The following PLCH1 variants were observed in gnomAD, a reference collection of about 807,000 sequenced individuals.
The protein encoded by PLCH1 is 1-phosphatidylinositol 4,5-bisphosphate phosphodiesterase eta-1.
A neutral mutation model predicts 126.7 loss-of-function variants in PLCH1; 60 were observed. The observed-to-expected ratio is 0.47, with a 90% CI of 0.38 to 0.59. The LOEUF is 0.59. Ranked by LOEUF, PLCH1 falls within the 20% of genes least tolerant of loss-of-function variation. The pLI, the probability that PLCH1 is intolerant of heterozygous loss-of-function variation, is 0.00. For synonymous variants in PLCH1, 719 were observed against 734.9 expected (o/e 0.98, Z 0.35); for missense variants, 1,723 against 2,040.0 (o/e 0.84, Z 2.99).
At chr3:155,690,356 C>G (rs948289353) in intron 2 of PLCH1, among the ~76,000 whole-genome samples, 2 of 152,176 alleles carry the variant, frequency 1.3e-5, no homozygotes. Context: ...GAAGAGGATG[C>G]ACAAATGTAC....
intron 22 of PLCH1, among the ~76,000 whole-genome samples, chr3:155,485,152 T>C (rs1030411320): frequency 2.0e-5 from 3 of 152,216 alleles, no homozygotes; most frequent in African/African-American, 4.8e-5. Flanking sequence ...GATGTTGATA[T>C]TATGAAGCTC....
At chr3:155,705,379 C>T (rs770732671) in intron 1 of PLCH1, among the ~76,000 whole-genome samples, 22 of 152,112 alleles carry the variant, frequency 1.4e-4, no homozygotes, top group Non-Finnish European at 3.1e-4. Flanking sequence ...TCTCTGGCTC[C>T]GTGCTGGACT....
chr3:155,692,352 TCAATA>T (rs776387114), intron 2 of PLCH1, among the ~76,000 whole-genome samples: 3 of 152,180 alleles, frequency 2.0e-5, no homozygotes, highest in Non-Finnish European at 4.4e-5. Flanking sequence ...ACTGATCAAA[TCAATA>T]CTTTAGTCAA....
In PLCH1 at chr3:155,583,528, T is replaced by C. The variant is rs571687324; in HGVS notation, c.715A>G (p.Lys239Glu). The change falls in exon 6 of 23, where the codon AAG (lysine) becomes GAG (glutamate). Residue 239 changes from lysine to glutamate, a missense_variant. Around this residue, in one of 2 missense-constraint regions of PLCH1, gnomAD observed 776 missense variants for 1,062.9 expected, o/e 0.73. Coordinates refer to ENST00000460012, the MANE Select transcript of PLCH1 (RefSeq NM_014996.4). ...LYLLLLSYSD[K>E]KDHLTVEELA... is the part of the protein sequence containing the mutation. ...TCTTCCACAGTTAGGTGATCTTTCT[T>C]GTCACTGTAGCTCAAAAGTAACAAA... 23 of 1,608,328 alleles carry C rather than the reference T, an allele frequency of 1.4e-5. No individual in the cohort carries two copies. In the South Asian group the frequency reaches 2.2e-4, roughly 16 times the overall value.
chr3:155,674,770 A>G (rs553751771), intron 2 of PLCH1, among the ~76,000 whole-genome samples: 1 of 152,312 alleles, frequency 6.6e-6, no homozygotes, highest in African/African-American at 2.4e-5. Context: ...AAATTATATC[A>G]AATTTCCACT....
intron 2 of PLCH1, among the ~76,000 whole-genome samples, chr3:155,661,752 C>T (rs575074680): frequency 6.6e-6 from 1 of 152,274 alleles, no homozygotes; most frequent in African/African-American, 2.4e-5. Flanking sequence ...CAGAGTTATG[C>T]ACCAAACTGT....
intron 6 of PLCH1, among the ~76,000 whole-genome samples, chr3:155,582,625 G>C (rs889302423): frequency 6.6e-6 from 1 of 152,020 alleles, no homozygotes; most frequent in Non-Finnish European, 1.5e-5. Context: ...GCTAAATGCC[G>C]CTGACTTAAA....
chr3:155,531,911 A>G (rs1300761873), intron 10 of PLCH1, among the ~76,000 whole-genome samples: 1 of 152,226 alleles, frequency 6.6e-6, no homozygotes, highest in Non-Finnish European at 1.5e-5. Context: ...TTGATCATTT[A>G]TCCAGACCAC....
chr3:155,538,320 A>T (rs1723725205), intron 10 of PLCH1, among the ~76,000 whole-genome samples: 1 of 152,174 alleles, frequency 6.6e-6, no homozygotes, highest in South Asian at 2.1e-4. Flanking sequence ...AGATAATCTT[A>T]GGTCACACCT....
At chr3:155,664,484 T>C (rs1404040719) in intron 2 of PLCH1, among the ~76,000 whole-genome samples, 1 of 152,234 alleles carries the variant, frequency 6.6e-6, no homozygotes, top group Non-Finnish European at 1.5e-5. Context: ...TTAGGCTGTG[T>C]GGTCCATACA....
chr3:155,493,763 G>A (rs1456952320), intron 17 of PLCH1, among the ~76,000 whole-genome samples: 10 of 152,112 alleles, frequency 6.6e-5, no homozygotes, highest in Admixed American at 6.5e-4. Context: ...TGTTTCAGGT[G>A]GAATTGAAGC....
intron 2 of PLCH1, among the ~76,000 whole-genome samples, chr3:155,605,669 G>T (rs754103935): frequency 6.6e-6 from 1 of 152,178 alleles, no homozygotes; most frequent in Non-Finnish European, 1.5e-5. Flanking sequence ...GCTACAGCTC[G>T]GTAGCAAAGG....
At chr3:155,607,112 A>G (rs990451177) in intron 2 of PLCH1, among the ~76,000 whole-genome samples, 19 of 152,180 alleles carry the variant, frequency 1.2e-4, no homozygotes, top group African/African-American at 4.6e-4. Context: ...ATCTTGTTTG[A>G]TCTAAGAGTT....
intron 2 of PLCH1, among the ~76,000 whole-genome samples, chr3:155,639,924 T>C (rs1739203800): frequency 6.6e-6 from 1 of 152,216 alleles, no homozygotes; most frequent in South Asian, 2.1e-4. Flanking sequence ...CCAGCTTCTC[T>C]TTCTTCCTCC....
At chr3:155,629,463 T>C (rs941944684) in intron 2 of PLCH1, among the ~76,000 whole-genome samples, 2 of 152,212 alleles carry the variant, frequency 1.3e-5, no homozygotes, top group African/African-American at 4.8e-5. Context: ...AATAAGATCT[T>C]AAACATCACA....
At chr3:155,626,089 A>C (rs1236814747) in intron 2 of PLCH1, among the ~76,000 whole-genome samples, 12 of 152,180 alleles carry the variant, frequency 7.9e-5, no homozygotes, top group Non-Finnish European at 1.8e-4. Flanking sequence ...ACATGGATGA[A>C]GCTGGAAACC....
chr3:155,620,646 T>G (rs1208294565), intron 2 of PLCH1, among the ~76,000 whole-genome samples: 11 of 151,864 alleles, frequency 7.2e-5, no homozygotes, highest in African/African-American at 2.7e-4. Flanking sequence ...AAGTGGGAGT[T>G]GTATAAGAAA....
intron 2 of PLCH1, among the ~76,000 whole-genome samples, chr3:155,602,640 G>A (rs1577113635): frequency 6.6e-6 from 1 of 152,140 alleles, no homozygotes; most frequent in East Asian, 1.9e-4. Flanking sequence ...ACATGCTACT[G>A]TACTGAATAC....
chr3:155,702,516 C>T (rs142496395), intron 2 of PLCH1, among the ~76,000 whole-genome samples: 241 of 152,026 alleles, frequency 1.6e-3, no homozygotes, highest in Non-Finnish European at 2.7e-3. Context: ...GAAAGGATTC[C>T]GTATGACAAT....
Sources: allele counts gnomAD v4.1 joint callset (sites outside exome capture counted in the v4.1 genomes callset), GRCh38; gene constraint gnomAD v4.1.1; regional missense constraint gnomAD v4.1.1; transcripts MANE v1.5; gene names NCBI Gene and HGNC (gene_info 2026-07-23, HGNC 2026-07-21).